Variants in CSMD1 observed in about 807,000 individuals in gnomAD.
The protein encoded by CSMD1 is CUB and sushi domain-containing protein 1.
Under a neutral mutation model 417.5 loss-of-function variants are expected in CSMD1, and 213 were observed. The observed-to-expected ratio is 0.51, with a 90% CI of 0.46 to 0.57. The LOEUF (loss-of-function observed/expected upper bound fraction) is 0.57, where lower values mean the gene tolerates loss of function less well. CSMD1 is among the 20% of genes least tolerant of loss of function. The pLI is 0.00. For missense variants in CSMD1, 6,923 were observed against 4,529.7 expected (o/e 1.53, Z -15.17); for synonymous variants, 2,862 against 1,736.8 (o/e 1.65, Z -16.11).
At chr8:3,559,414 G>A (rs1481460289) in intron 10 of CSMD1, among the ~76,000 whole-genome samples, 1 of 152,152 alleles carries the variant, frequency 6.6e-6, no homozygotes, top group Non-Finnish European at 1.5e-5. Context: ...AAGTTCATCT[G>A]GGAATATACG....
intron 1 of CSMD1, among the ~76,000 whole-genome samples, chr8:4,807,992 T>C (rs534275682): frequency 6.6e-6 from 1 of 152,164 alleles, no homozygotes; most frequent in Non-Finnish European, 1.5e-5. Context: ...AACAGTAAAA[T>C]ACAAATCTGT....
chr8:2,985,959 GAAGGGGAAGGGGAAGGGA>G (rs1283829601), intron 54 of CSMD1, among the ~76,000 whole-genome samples: 1 of 132,132 alleles, frequency 7.6e-6, no homozygotes, highest in Non-Finnish European at 1.6e-5. Flanking sequence ...AGGGGAAGGG[GAAGGGGAAGGGGAAGGGA>G]AAGGGGAAGG....
At chr8:4,221,100 A>G (rs1038950395) in intron 3 of CSMD1, among the ~76,000 whole-genome samples, 5 of 152,198 alleles carry the variant, frequency 3.3e-5, no homozygotes, top group African/African-American at 1.2e-4. Context: ...TAAACAAGAG[A>G]GGAATACAAC....
At chr8:3,644,844 C>T (rs145864251) in intron 7 of CSMD1, among the ~76,000 whole-genome samples, 20 of 151,962 alleles carry the variant, frequency 1.3e-4, no homozygotes, top group Non-Finnish European at 2.1e-4. Context: ...ATGTGGTAAC[C>T]TTCGTTTCCT....
intron 2 of CSMD1, among the ~76,000 whole-genome samples, chr8:4,553,076 C>A (rs1797940732): frequency 6.6e-6 from 1 of 152,212 alleles, no homozygotes; most frequent in Non-Finnish European, 1.5e-5. Flanking sequence ...ACACCACTCT[C>A]TAGGTACCAA....
chr8:4,379,973 C>G (rs1450608423), intron 3 of CSMD1, among the ~76,000 whole-genome samples: 1 of 152,202 alleles, frequency 6.6e-6, no homozygotes, highest in Non-Finnish European at 1.5e-5. Flanking sequence ...TTGTAGAAAA[C>G]ACATGGAATA....
chr8:3,764,087 G>C (rs1028402686), intron 5 of CSMD1, among the ~76,000 whole-genome samples: 1 of 152,084 alleles, frequency 6.6e-6, no homozygotes, highest in Non-Finnish European at 1.5e-5. Flanking sequence ...TATATTTCTG[G>C]TTGCACTCAA....
chr8:4,202,503 T>G (rs971821248), intron 3 of CSMD1, among the ~76,000 whole-genome samples: 2 of 152,166 alleles, frequency 1.3e-5, no homozygotes, highest in Non-Finnish European at 2.9e-5. Flanking sequence ...AATAACAAAT[T>G]TGCACTTTTA....
chr8:4,642,153 C>A (rs368377167), intron 1 of CSMD1, among the ~76,000 whole-genome samples: 1 of 152,156 alleles, frequency 6.6e-6, no homozygotes, highest in South Asian at 2.1e-4. Flanking sequence ...AAGTGCTCGG[C>A]AAGGAGCCTA....
chr8:3,861,049 C>A (rs1185749665), intron 5 of CSMD1, among the ~76,000 whole-genome samples: 1 of 152,102 alleles, frequency 6.6e-6, no homozygotes, highest in Non-Finnish European at 1.5e-5. Flanking sequence ...TTAATTTGCT[C>A]CTCTCCCCTC....
At chr8:3,834,943 G>C (rs1004445549) in intron 5 of CSMD1, among the ~76,000 whole-genome samples, 1 of 151,900 alleles carries the variant, frequency 6.6e-6, no homozygotes, top group Non-Finnish European at 1.5e-5. Context: ...AAGACATTTA[G>C]GCAGTCAAAA....
At chr8:4,147,747 C>T (rs374507603) in intron 3 of CSMD1, among the ~76,000 whole-genome samples, 5 of 152,024 alleles carry the variant, frequency 3.3e-5, no homozygotes, top group African/African-American at 1.2e-4. Context: ...GTTAACAACC[C>T]CCGGCAAGCC....
intron 49 of CSMD1, among the ~76,000 whole-genome samples, chr8:3,073,692 T>C (rs1813459414): frequency 6.6e-6 from 1 of 151,954 alleles, no homozygotes; most frequent in East Asian, 1.9e-4. Flanking sequence ...AAGTGGCTAA[T>C]AAATTATTGT....
intron 1 of CSMD1, among the ~76,000 whole-genome samples, chr8:4,723,737 T>G (rs1809219134): frequency 6.7e-6 from 1 of 149,832 alleles, no homozygotes; most frequent in South Asian, 2.1e-4. Context: ...AAAGGAATTT[T>G]CATATGTGCT....
intron 69 of CSMD1, among the ~76,000 whole-genome samples, chr8:2,940,273 TCGCTCCTATGG>T (rs1801776613): frequency 6.6e-6 from 1 of 152,154 alleles, no homozygotes; most frequent in African/African-American, 2.4e-5. Flanking sequence ...CCACCATCCC[TCGCTCCTATGG>T]CACAGAAGTA....
intron 30 of CSMD1, among the ~76,000 whole-genome samples, chr8:3,206,389 ATG>A (rs1265036249): frequency 1.5e-5 from 1 of 67,388 alleles, no homozygotes; most frequent in East Asian, 4.9e-4. Context: ...GTGTGTGTGT[ATG>A]TGTGTGTGGG....
chr8:3,948,312 G>C (rs1488862768), intron 5 of CSMD1, among the ~76,000 whole-genome samples: 2 of 152,172 alleles, frequency 1.3e-5, no homozygotes, highest in Admixed American at 6.5e-5. Context: ...TGCATTTGAA[G>C]AGTATAAGGG....
chr8:2,992,452 C>T (rs1024558898), intron 54 of CSMD1, among the ~76,000 whole-genome samples: 1 of 151,776 alleles, frequency 6.6e-6, no homozygotes, highest in Non-Finnish European at 1.5e-5. Flanking sequence ...TTAATGAAGT[C>T]TCGCTCTGTC....
intron 2 of CSMD1, among the ~76,000 whole-genome samples, chr8:4,600,951 A>T (rs552147961): frequency 1.5e-5 from 2 of 130,102 alleles, no homozygotes; most frequent in African/African-American, 5.4e-5. Context: ...TTCCCTCTTA[A>T]TTAGATTTTT....
Sources: gnomAD v4.1 joint callset for allele counts (sites outside exome capture counted in the v4.1 genomes callset) on GRCh38, gnomAD v4.1.1 for gene constraint, MANE v1.5 for transcripts, NCBI Gene and HGNC (gene_info 2026-07-23, HGNC 2026-07-21) for gene names.